NECTIN2: variants seen among roughly 807,000 people sequenced by gnomAD.
NECTIN2 encodes nectin cell adhesion molecule 2, also known as nectin-2.
NECTIN2 carries 23 observed loss-of-function variants against 56.9 expected under a neutral mutation model. That is an observed-to-expected ratio of 0.40 (90% CI 0.29 to 0.57). The LOEUF is 0.57. Among genes scored for constraint, NECTIN2 ranks in the 20% least tolerant of loss-of-function variants. The pLI, the probability that NECTIN2 is intolerant of heterozygous loss-of-function variation, is 0.38. For missense variants in NECTIN2, 587 were observed against 718.3 expected, an observed-to-expected ratio of 0.82 and a Z score of 2.09; for synonymous variants, 302 against 313.8, an observed-to-expected ratio of 0.96 and a Z score of 0.40.
chr19:44,877,780 C>T (rs929963485), intron 5 of NECTIN2, among the ~76,000 whole-genome samples: 3 of 152,190 alleles, frequency 2.0e-5, no homozygotes, highest in Non-Finnish European at 2.9e-5. Context: ...AGTGACCGGG[C>T]GGCCAGATCT....
At chr19:44,868,174 G>A (rs532047496) in intron 2 of NECTIN2, among the ~76,000 whole-genome samples, 3 of 151,304 alleles carry the variant, frequency 2.0e-5, no homozygotes, top group African/African-American at 7.3e-5. Flanking sequence ...ACCACTCTGG[G>A]CAACATGGTG....
At chr19:44,867,905 T>G (rs1969120229) in intron 2 of NECTIN2, among the ~76,000 whole-genome samples, 1 of 149,364 alleles carries the variant, frequency 6.7e-6, no homozygotes, top group Admixed American at 6.7e-5. Context: ...ATTGGAGGAG[T>G]GGACGGAGGT....
At chr19:44,857,309 C>G (rs1440536825) in intron 1 of NECTIN2, among the ~76,000 whole-genome samples, 1 of 150,002 alleles carries the variant, frequency 6.7e-6, no homozygotes, top group Non-Finnish European at 1.5e-5. Context: ...TCATGGCTCA[C>G]TGCAGCGTCA....
chr19:44,851,083 G>A (rs900182049), intron 1 of NECTIN2, among the ~76,000 whole-genome samples: 2 of 150,236 alleles, frequency 1.3e-5, no homozygotes, highest in African/African-American at 5.0e-5. Context: ...TCAGACCCAG[G>A]AGTCCAGGCC....
At chr19:44,884,641 A>C (rs1292902015) in intron 6 of NECTIN2, among the ~76,000 whole-genome samples, 2 of 152,236 alleles carry the variant, frequency 1.3e-5, no homozygotes, top group African/African-American at 4.8e-5. Context: ...AGGAGGAGAC[A>C]AAACTGTCTC....
intron 1 of NECTIN2, among the ~76,000 whole-genome samples, chr19:44,864,006 G>A (rs569621753): frequency 2.6e-5 from 2 of 76,250 alleles, no homozygotes; most frequent in African/African-American, 8.1e-5. Flanking sequence ...TTTATTTTCA[G>A]AGGATTCCCC....
chr19:44,863,798 C>T (rs1432641479), intron 1 of NECTIN2, among the ~76,000 whole-genome samples: 1 of 150,810 alleles, frequency 6.6e-6, no homozygotes, highest in Admixed American at 6.6e-5. Context: ...ACCAAGATTG[C>T]TCCACTGCAC....
At chr19:44,855,662 C>T (rs372850608) in intron 1 of NECTIN2, among the ~76,000 whole-genome samples, 1 of 152,146 alleles carries the variant, frequency 6.6e-6, no homozygotes, top group Admixed American at 6.6e-5. Flanking sequence ...AATATTTGTA[C>T]CCCCTGCAAT....
chr19:44,881,443 G>A (rs113743631), intron 5 of NECTIN2, among the ~76,000 whole-genome samples: 2,066 of 151,812 alleles, frequency 0.014, 20 homozygotes, highest in Non-Finnish European at 0.022. Flanking sequence ...TTGGGAGGCC[G>A]AGGCGGGAGG....
chr19:44,883,287 T>G (rs1969327945), intron 6 of NECTIN2, among the ~76,000 whole-genome samples: 1 of 152,054 alleles, frequency 6.6e-6, no homozygotes, highest in Admixed American at 6.5e-5. Flanking sequence ...GTTTTTGTTT[T>G]TGTTTAAGAT....
At chr19:44,884,557 C>T (rs1037983251) in intron 6 of NECTIN2, among the ~76,000 whole-genome samples, 13 of 152,210 alleles carry the variant, frequency 8.5e-5, no homozygotes, top group Non-Finnish European at 1.9e-4. Flanking sequence ...CAATAACTTG[C>T]TGCTGATCTC....
intron 1 of NECTIN2, among the ~76,000 whole-genome samples, chr19:44,858,165 G>C (rs1014770256): frequency 6.6e-6 from 1 of 152,024 alleles, no homozygotes; most frequent in Non-Finnish European, 1.5e-5. Flanking sequence ...CTTTTCTCAA[G>C]TTGGGTGGGG....
intron 1 of NECTIN2, among the ~76,000 whole-genome samples, chr19:44,862,414 CAAA>C (rs869170027): frequency 2.3e-5 from 2 of 88,124 alleles, no homozygotes; most frequent in South Asian, 7.2e-4. Flanking sequence ...GACTCCGTCT[CAAA>C]AAAAAAAAAG....
At chr19:44,849,518 G>A (rs2972568) in intron 1 of NECTIN2, among the ~76,000 whole-genome samples, 39 of 152,090 alleles carry the variant, frequency 2.6e-4, no homozygotes, top group Non-Finnish European at 4.1e-4. Flanking sequence ...TGCCTGGGAC[G>A]CTGTTACATT....
rs1568595083 is a variant in NECTIN2 at position 44,872,128 on chromosome 19, C to T, written c.754C>T (p.Pro252Ser). ...HESFEEPALI[P>S]VTLSVRYPPE... ...GAGCTTCGAGGAACCAGCCCTGATA[C>T]CTGTGACCCTCTCTGTACGCTGTGA... The change falls in exon 3 of 9, where the codon CCT (proline) becomes TCT (serine). Residue 252 changes from proline to serine, a missense_variant. By Grantham distance (74) the Pro-to-Ser change is moderately conservative. Transcript: ENST00000252483. 4 of 1,614,152 alleles carry T rather than the reference C, an allele frequency of 2.5e-6. No individual in the cohort carries two copies. Among genetic ancestry groups the T allele is most frequent in the South Asian group, 1.1e-5 (1 of 91,086 alleles).
At chr19:44,856,879 T>C (rs1039075493) in intron 1 of NECTIN2, among the ~76,000 whole-genome samples, 12 of 152,166 alleles carry the variant, frequency 7.9e-5, no homozygotes, top group Non-Finnish European at 1.5e-4. Flanking sequence ...TAACACTCTG[T>C]GGGCCAAAGC....
At chr19:44,866,254 T>C (rs948470490) in intron 2 of NECTIN2, among the ~76,000 whole-genome samples, 7 of 151,664 alleles carry the variant, frequency 4.6e-5, no homozygotes, top group Admixed American at 6.6e-5. Context: ...GGCAGGTAGA[T>C]TGCTTGAGCC....
intron 1 of NECTIN2, among the ~76,000 whole-genome samples, chr19:44,848,624 T>C (rs1387178371): frequency 6.9e-6 from 1 of 145,836 alleles, no homozygotes; most frequent in East Asian, 2.0e-4. Flanking sequence ...ATCCTTCGCC[T>C]CTGCTGTCCA....
At chr19:44,882,177 TG>T in intron 5 of NECTIN2, 33 bp from the exon 6 acceptor site, 1 of 1,378,600 alleles carries the variant, frequency 7.3e-7, no homozygotes, top group Non-Finnish European at 9.5e-7. Context: ...GGCTTCCTCC[TG>T]GAGACCCCCT....
Sources: allele counts gnomAD v4.1 joint callset (sites outside exome capture counted in the v4.1 genomes callset), GRCh38; gene constraint gnomAD v4.1.1; transcripts MANE v1.5; gene names NCBI Gene and HGNC (gene_info 2026-07-23, HGNC 2026-07-21).